Variants in CCDC68 observed in about 807,000 individuals in gnomAD.
CCDC68 encodes coiled-coil domain-containing protein 68.
Under a neutral mutation model 47.1 loss-of-function variants are expected in CCDC68, and 45 were observed. The ratio of observed to expected loss-of-function variants is 0.96; its 90% CI spans 0.75 to 1.23. The LOEUF (loss-of-function observed/expected upper bound fraction) is 1.23. Among genes scored for constraint, CCDC68 ranks in the 50% most tolerant of loss-of-function variants. The pLI, the probability that CCDC68 is intolerant of heterozygous loss-of-function variation, is 0.00. For missense variants in CCDC68, 353 were observed against 373.6 expected (o/e 0.94, Z 0.45); for synonymous variants, 131 against 129.5 (o/e 1.01, Z -0.08).
intron 1 of CCDC68, among the ~76,000 whole-genome samples, chr18:54,952,541 G>A (rs1266209539): frequency 6.6e-6 from 1 of 152,220 alleles, no homozygotes; most frequent in Non-Finnish European, 1.5e-5. Flanking sequence ...GCGGACAACA[G>A]CTTGGCAGTT....
chr18:54,911,722 A>G (rs184972026), intron 10 of CCDC68, among the ~76,000 whole-genome samples: 1 of 152,344 alleles, frequency 6.6e-6, no homozygotes, highest in African/African-American at 2.4e-5. Context: ...TCCCTTGATG[A>G]CAAGCATGAT....
intron 3 of CCDC68, 52 bp downstream of exon 3, chr18:54,942,623 A>G: frequency 9.0e-7 from 1 of 1,107,746 alleles, no homozygotes; most frequent in South Asian, 1.3e-5. Context: ...CCCATATTGG[A>G]ATTTCTCTTT....
chr18:54,942,568 G>A, intron 3 of CCDC68, 107 bp downstream of exon 3: 4 of 660,484 alleles, frequency 6.1e-6, no homozygotes, highest in Non-Finnish European at 2.6e-6. Flanking sequence ...AACTAGGGTT[G>A]TTCCTTTACA....
intron 1 of CCDC68, among the ~76,000 whole-genome samples, chr18:54,956,000 T>C (rs2044706561): frequency 7.0e-6 from 1 of 142,860 alleles, no homozygotes; most frequent in Non-Finnish European, 1.5e-5. Context: ...CTGGGGAAAA[T>C]TAGAAGTTCA....
At chr18:54,914,547 G>T (rs1599031539) in intron 10 of CCDC68, among the ~76,000 whole-genome samples, 1 of 152,150 alleles carries the variant, frequency 6.6e-6, no homozygotes, top group Non-Finnish European at 1.5e-5. Context: ...GAACCCGGGA[G>T]GCCAAGGCTG....
intron 8 of CCDC68, among the ~76,000 whole-genome samples, chr18:54,922,242 C>T (rs1292140957): frequency 6.6e-6 from 1 of 152,110 alleles, no homozygotes; most frequent in African/African-American, 2.4e-5. Flanking sequence ...TCAGCACCCC[C>T]AGCGGGTAAG....
Position 54,901,829 on chromosome 18 carries a change from T to C in CCDC68, c.*2529A>G, listed in dbSNP as rs1913697983. ...TTCTTTTCCTATATTTCCTGTGAAG[T>C]ACTATTTTAGCTGAATAAATATTAT... is the stretch of plus-strand genomic sequence containing the variant. On this transcript the variant is annotated 3_prime_UTR_variant, in exon 12 of 12. Coordinates refer to ENST00000591504, the MANE Select transcript of CCDC68 (RefSeq NM_025214.3). 6.6e-6 allele frequency: 1 copy of C among 152,288 alleles called. No individual in the cohort carries two copies. The highest frequency in any genetic ancestry group is 3.4e-3 in the Middle Eastern group (1 of 294). 9.4% of individuals were successfully genotyped at this position (152,288 alleles called of 1,614,324 possible). A position where few individuals can be genotyped will look rare whatever the true frequency, so the allele number is the denominator to read the frequency against.
intron 1 of CCDC68, among the ~76,000 whole-genome samples, chr18:54,945,756 A>C (rs2044514277): frequency 2.0e-5 from 3 of 152,232 alleles, no homozygotes; most frequent in Non-Finnish European, 4.4e-5. Flanking sequence ...CAACTCTGCA[A>C]GTGTGCTTTT....
intron 2 of CCDC68, among the ~76,000 whole-genome samples, chr18:54,943,958 C>T (rs2044478670): frequency 6.6e-6 from 1 of 152,104 alleles, no homozygotes; most frequent in Non-Finnish European, 1.5e-5. Flanking sequence ...GAGTTTGAGA[C>T]TAGCCTGGCC....
Position 54,942,581 on chromosome 18 carries a change from T to C in CCDC68, c.117+94A>G, listed in dbSNP as rs2044455992. The C allele has an allele frequency of 4.3e-5, 31 of 720,832 alleles. No individual in the cohort carries two copies. In the South Asian group the frequency reaches 5.8e-4, roughly 13 times the overall value. The allele number at this position is 720,832 out of a possible 1,614,324, so 44.7% of individuals were successfully genotyped here. A position where few individuals can be genotyped will look rare whatever the true frequency, so the allele number is the denominator to read the frequency against. On this transcript the variant is annotated intron_variant, in intron 3 of 11. Coordinates refer to ENST00000591504, the MANE Select transcript of CCDC68 (RefSeq NM_025214.3). ...CAAACTAGGGTTGTTCCTTTACATA[T>C]GTTCTATGGAGAGGGAAACAAAATC...
chr18:54,944,450 T>TCAA (rs2044490654), intron 2 of CCDC68, among the ~76,000 whole-genome samples: 1 of 152,320 alleles, frequency 6.6e-6, no homozygotes, highest in Admixed American at 6.5e-5. Flanking sequence ...ACTATTTGAA[T>TCAA]AAGACACAAA....
At chr18:54,954,904 G>GA (rs1249454628) in intron 1 of CCDC68, among the ~76,000 whole-genome samples, 3 of 152,028 alleles carry the variant, frequency 2.0e-5, no homozygotes, top group East Asian at 3.9e-4. Context: ...ATTTCAAGCA[G>GA]AAAAAAATGA....
intron 8 of CCDC68, among the ~76,000 whole-genome samples, chr18:54,928,379 T>C (rs1368386833): frequency 3.9e-5 from 6 of 152,176 alleles, no homozygotes; most frequent in African/African-American, 1.2e-4. Flanking sequence ...GGAAACTGTC[T>C]TAGAATTCTG....
Position 54,956,092 on chromosome 18 carries a change from C to T in CCDC68, c.-103+3244G>A, listed in dbSNP as rs554456695. On this transcript the variant is annotated intron_variant, in intron 1 of 11. Transcript: ENST00000591504. ...GCAACCTCTGCCTCCCTGGTTCAAGCGATTCTCCTGCCTCAGCCTCCCGAG... is the reference window on the plus strand; with the variant it reads ...GCAACCTCTGCCTCCCTGGTTCAAGTGATTCTCCTGCCTCAGCCTCCCGAG... Among the ~76,000 whole-genome samples, 5 of 152,094 alleles carry T rather than the reference C, an allele frequency of 3.3e-5. No homozygotes were observed. In the East Asian group the frequency reaches 7.7e-4, roughly 24 times the overall value.
At chr18:54,932,691 T>A (rs996870198) in intron 7 of CCDC68, among the ~76,000 whole-genome samples, 8 of 152,152 alleles carry the variant, frequency 5.3e-5, no homozygotes, top group Non-Finnish European at 8.8e-5. Flanking sequence ...AGCCCACTGT[T>A]GCGAGTTATT....
chr18:54,934,095 A>G (rs1362511207), intron 7 of CCDC68, among the ~76,000 whole-genome samples: 3 of 152,198 alleles, frequency 2.0e-5, no homozygotes, highest in Non-Finnish European at 4.4e-5. Flanking sequence ...ATTTTTCTCT[A>G]TCCCCAATTC....
chr18:54,920,102 GCTA>G (rs2044030262), intron 8 of CCDC68, among the ~76,000 whole-genome samples: 1 of 152,118 alleles, frequency 6.6e-6, no homozygotes, highest in African/African-American at 2.4e-5. Flanking sequence ...TTCTCTTCTT[GCTA>G]CTGTTATTAG....
At chr18:54,957,316 T>C (rs2044728984) in intron 1 of CCDC68, among the ~76,000 whole-genome samples, 1 of 152,178 alleles carries the variant, frequency 6.6e-6, no homozygotes, top group African/African-American at 2.4e-5. Context: ...TGAAAGGAAA[T>C]ATGTGATTTG....
intron 10 of CCDC68, among the ~76,000 whole-genome samples, chr18:54,910,369 C>G (rs72928822): frequency 0.15 from 23,245 of 152,184 alleles, 1,931 homozygotes; most frequent in Non-Finnish European, 0.17. Context: ...GAGTGGGTAG[C>G]TCTTCTCTGC....
Sources: allele counts gnomAD v4.1 joint callset (sites outside exome capture counted in the v4.1 genomes callset), GRCh38; gene constraint gnomAD v4.1.1; transcripts MANE v1.5; gene names NCBI Gene and HGNC (gene_info 2026-07-23, HGNC 2026-07-21).